ATP13A4: variants seen among roughly 807,000 people sequenced by gnomAD.
ATP13A4 encodes ATPase 13A4, also known as probable cation-transporting ATPase 13A4.
ATP13A4 carries 114 observed loss-of-function variants against 142.5 expected under a neutral mutation model. The ratio of observed to expected loss-of-function variants is 0.80; its 90% confidence interval spans 0.69 to 0.93. The LOEUF (loss-of-function observed/expected upper bound fraction) is 0.93. ATP13A4 is among the 40% of genes least tolerant of loss of function. ATP13A4 has a pLI of 0.00. For missense variants in ATP13A4, 1,392 were observed against 1,454.0 expected, an observed-to-expected ratio of 0.96 and a Z score of 0.69; for synonymous variants, 488 against 514.8, an observed-to-expected ratio of 0.95 and a Z score of 0.70.
chr3:193,402,609 G>T lies in ATP13A4; in HGVS notation c.*43C>A, dbSNP rs768275117. On this transcript the variant is annotated 3_prime_UTR_variant, in exon 30 of 30. Coordinates refer to ENST00000342695, the MANE Select transcript of ATP13A4 (RefSeq NM_032279.4). ...AAAATCAATGAAACTGGTCCCTTTT[G>T]TCATTGTTTCTCTGTAATATCAACT... 3.7e-6 allele frequency: 3 copies of T among 800,644 alleles called. No individual in the cohort carries two copies. Among genetic ancestry groups the T allele is most frequent in the South Asian group, 1.3e-5 (1 of 74,520 alleles). The allele number at this position is 800,644 out of a possible 1,614,324, so 49.6% of individuals were successfully genotyped here.
chr3:193,508,754 T>C (rs1720985280), intron 2 of ATP13A4, among the ~76,000 whole-genome samples: 1 of 152,176 alleles, frequency 6.6e-6, no homozygotes, highest in Non-Finnish European at 1.5e-5. Context: ...AATGTGTACC[T>C]GAAAGAAACA....
intron 2 of ATP13A4, among the ~76,000 whole-genome samples, chr3:193,577,380 C>A (rs1052007939): frequency 1.3e-5 from 2 of 152,204 alleles, no homozygotes; most frequent in African/African-American, 4.8e-5. Context: ...TTTACTCTTA[C>A]CATTCTTTCT....
At position 193,466,160 on chromosome 3, in the gene ATP13A4, G is replaced by T. The variant is rs890733680; in HGVS notation, c.1137C>A (p.Asp379Glu). Residue 379 changes from aspartate to glutamate, a missense_variant, in exon 11 of 30, where the codon GAC becomes GAA. By Grantham distance (45) the Asp-to-Glu change is conservative (BLOSUM62 2). Coordinates refer to ENST00000342695, the MANE Select transcript of ATP13A4 (RefSeq NM_032279.4). ...LQTGFNTAKGDLVRSILYPKP... is the reference protein window; with the variant it reads ...LQTGFNTAKGELVRSILYPKP... ...TAGGGTAGAGAATGGATCTCACAAG[G>T]TCTCCCTTTGCAGTGTTGAATCCTG... is the stretch of plus-strand genomic sequence containing the variant. 3.1e-6 allele frequency: 5 copies of T among 1,613,834 alleles called. No individual in the cohort carries two copies. The highest frequency in any genetic ancestry group is 1.1e-5 in the South Asian group (1 of 91,060).
chr3:193,514,796 G>A lies in ATP13A4; in HGVS notation c.136C>T (p.Leu46Phe). The change falls in exon 2 of 30, where the codon CTC becomes TTC. Residue 46 changes from leucine to phenylalanine, a missense_variant. Physicochemically the swap from Leu to Phe is conservative, Grantham distance 22. Coordinates refer to ENST00000342695, the MANE Select transcript of ATP13A4 (RefSeq NM_032279.4). The stretch of plus-strand genomic sequence containing the variant: ...GGTCTCCAGTAAAACACCAAGGGGA[G>A]GATTCCAAATGAGAAGATGGATCCG... Reference protein sequence around the residue: ...LAGSIFSFGILPLVFYWRPAW... With the variant: ...LAGSIFSFGIFPLVFYWRPAW... 6.2e-7 allele frequency: 1 copy of A among 1,614,222 alleles called. No individual in the cohort carries two copies. The highest frequency in any genetic ancestry group is 2.2e-5 in the East Asian group (1 of 44,880).
At chr3:193,543,812 T>A (rs995440598) in intron 1 of ATP13A4, among the ~76,000 whole-genome samples, 1 of 152,220 alleles carries the variant, frequency 6.6e-6, no homozygotes, top group Non-Finnish European at 1.5e-5. Flanking sequence ...AAACAATGTT[T>A]TTACCTTTTG....
intron 25 of ATP13A4, among the ~76,000 whole-genome samples, chr3:193,417,908 G>A (rs1018980859): frequency 1.4e-5 from 2 of 146,912 alleles, no homozygotes; most frequent in African/African-American, 5.1e-5. Flanking sequence ...GGATCACAAG[G>A]TCAGGAGATC....
intron 25 of ATP13A4, among the ~76,000 whole-genome samples, chr3:193,419,834 C>T (rs1320394344): frequency 2.0e-5 from 3 of 150,182 alleles, no homozygotes; most frequent in Middle Eastern, 3.4e-3. Flanking sequence ...CTGTGCTGCT[C>T]CCTGTCCCCC....
At chr3:193,520,728 C>T (rs1055625025) in intron 1 of ATP13A4, among the ~76,000 whole-genome samples, 4 of 152,188 alleles carry the variant, frequency 2.6e-5, no homozygotes, top group African/African-American at 9.7e-5. Context: ...AAATAATAAT[C>T]TCCAACAATG....
intron 8 of ATP13A4, among the ~76,000 whole-genome samples, chr3:193,480,533 A>G (rs1348103505): frequency 6.6e-6 from 1 of 152,232 alleles, no homozygotes; most frequent in Non-Finnish European, 1.5e-5. Context: ...AAAAGTGCTC[A>G]GCATCACTAA....
At chr3:193,588,969 G>A (rs757772488) in intron 1 of ATP13A4, among the ~76,000 whole-genome samples, 16 of 151,978 alleles carry the variant, frequency 1.1e-4, no homozygotes, top group South Asian at 2.1e-4. Context: ...GTGAAACCCC[G>A]TCTCTACTAA....
Position 193,470,850 on chromosome 3 carries a change from G to A in ATP13A4, c.943+9C>T, listed in dbSNP as rs1718577447. 1 of 1,613,836 alleles carries A rather than the reference G, an allele frequency of 6.2e-7. No homozygotes were observed. The highest frequency in any genetic ancestry group is 1.1e-5 in the South Asian group (1 of 91,080). On this transcript the variant is annotated intron_variant, in intron 9 of 29. Transcript: ENST00000342695. ...ACAGAGGTTGTCAGCTGTGGAGATG[G>A]AACTGTACCTGTCAGCATGCCTTCA... is the stretch of plus-strand genomic sequence containing the variant.
Position 193,467,413 on chromosome 3 carries a change from T to G in ATP13A4, c.1017A>C (p.Glu339Asp). 6.2e-7 allele frequency: 1 copy of G among 1,614,096 alleles called. No homozygotes were observed. The highest frequency in any genetic ancestry group is 8.5e-7 in the Non-Finnish European group (1 of 1,180,004). The part of the protein sequence containing the change: ...DSSVPWKTQS[E>D]ADYKRHVLFC... ...AGAGGACATGCCGCTTGTAATCCGC[T>G]TCACTCTGTGTTTTCCAGGGCACAG... The change falls in exon 10 of 30, where the codon GAA becomes GAC. Residue 339 changes from glutamate (E) to aspartate (D), a missense_variant. Transcript: ENST00000342695.
chr3:193,567,823 G>A (rs1425498666), intron 2 of ATP13A4, among the ~76,000 whole-genome samples: 2 of 151,980 alleles, frequency 1.3e-5, no homozygotes, highest in African/African-American at 4.8e-5. Flanking sequence ...ATTGTCCCTG[G>A]TTCTGTTTAA....
intron 2 of ATP13A4, among the ~76,000 whole-genome samples, chr3:193,573,279 A>ATATATATATATATATG (rs1560287245): frequency 1.0e-5 from 1 of 99,810 alleles, no homozygotes; most frequent in African/African-American, 4.8e-5. Context: ...ATATATACAT[A>ATATATATATATATATG]TATATATATA....
chr3:193,481,675 C>G (rs1013096496), intron 8 of ATP13A4, among the ~76,000 whole-genome samples: 1 of 152,100 alleles, frequency 6.6e-6, no homozygotes, highest in Non-Finnish European at 1.5e-5. Flanking sequence ...ACATTTGTTC[C>G]CACTGCATGA....
intron 1 of ATP13A4, among the ~76,000 whole-genome samples, chr3:193,587,378 T>A (rs761924590): frequency 2.0e-5 from 3 of 152,230 alleles, no homozygotes; most frequent in Non-Finnish European, 4.4e-5. Flanking sequence ...TCTGCCTGTC[T>A]TCACATTGCC....
At chr3:193,431,921 A>G (rs148850273) in intron 25 of ATP13A4, among the ~76,000 whole-genome samples, 23 of 152,146 alleles carry the variant, frequency 1.5e-4, no homozygotes, top group African/African-American at 5.3e-4. Flanking sequence ...CCTGGATGTT[A>G]GAATCTGGCT....
In ATP13A4 at chr3:193,514,758, T is replaced by C. The variant is rs778081234; in HGVS notation, c.174A>G (p.Val58=). The C allele has an allele frequency of 5.0e-6, 8 of 1,614,078 alleles. No individual in the cohort carries two copies. Among genetic ancestry groups the C allele is most frequent in the Non-Finnish European group, 5.9e-6 (7 of 1,180,040 alleles). Residue 58 remains valine, a synonymous_variant, in exon 2 of 30, where the codon GTA becomes GTG. Coordinates refer to ENST00000342695, the MANE Select transcript of ATP13A4 (RefSeq NM_032279.4). ...LVFYWRPAWH[V]WAHCVPCSLQ... is the part of the protein sequence containing the mutation. Reference sequence around the variant, plus strand: ...AGGAACATGGGACACAATGTGCCCATACGTGCCATGCTGGTCTCCAGTAAA... The same window carrying C: ...AGGAACATGGGACACAATGTGCCCACACGTGCCATGCTGGTCTCCAGTAAA...
In ATP13A4 at chr3:193,457,050, A is replaced by T; in HGVS notation, c.1865T>A (p.Phe622Tyr). ...VQEMGGDRLA[F>Y]MKGAPERVAS... The stretch of plus-strand genomic sequence containing the variant: ...CACCCTCTCTGGTGCACCTTTCATG[A>T]ATGCCAGTCGGTCACCTCCCATCTC... Residue 622 changes from phenylalanine to tyrosine, a missense_variant, in exon 16 of 30, where the codon TTC becomes TAC. By Grantham distance (22) the Phe-to-Tyr change is conservative. Transcript: ENST00000342695. The T allele has an allele frequency of 6.2e-7, 1 of 1,614,128 alleles. No individual in the cohort carries two copies. The highest frequency in any genetic ancestry group is 1.1e-5 in the South Asian group (1 of 91,068).
Sources: allele counts gnomAD v4.1 joint callset (sites outside exome capture counted in the v4.1 genomes callset), GRCh38; gene constraint gnomAD v4.1.1; transcripts MANE v1.5; gene names NCBI Gene and HGNC (gene_info 2026-07-23, HGNC 2026-07-21).